Variants in TP53BP2 observed in about 807,000 individuals in gnomAD.
TP53BP2 encodes the protein tumor protein p53 binding protein 2.
A neutral mutation model predicts 126.2 loss-of-function variants in TP53BP2; 62 were observed. The ratio of observed to expected loss-of-function variants is 0.49; its 90% CI spans 0.40 to 0.61. TP53BP2 has a LOEUF of 0.61. TP53BP2 is among the 20% of genes least tolerant of loss of function. TP53BP2 has a pLI of 0.00. For synonymous variants in TP53BP2, 485 were observed against 502.9 expected (o/e 0.96, Z 0.48); for missense variants, 1,215 against 1,402.8 (o/e 0.87, Z 2.14).
intron 1 of TP53BP2, among the ~76,000 whole-genome samples, chr1:223,825,411 C>T (rs191465908): frequency 1.4e-3 from 208 of 152,286 alleles, no homozygotes; most frequent in East Asian, 8.3e-3. Flanking sequence ...TGAATCTGGA[C>T]CACACGGTGC....
chr1:223,824,235 A>C (rs1663413726), intron 1 of TP53BP2, among the ~76,000 whole-genome samples: 1 of 152,228 alleles, frequency 6.6e-6, no homozygotes, highest in South Asian at 2.1e-4. Flanking sequence ...CAGAGATCTG[A>C]TCTTTTACTT....
intron 6 of TP53BP2, 71 bp from the exon 7 acceptor site, chr1:223,803,523 G>A (rs1662607950): frequency 2.0e-5 from 29 of 1,426,380 alleles, no homozygotes; most frequent in Non-Finnish European, 2.6e-5. Flanking sequence ...CAGGCAACCG[G>A]GCTTTACAAT....
At chr1:223,789,274 A>T (rs559220026) in intron 15 of TP53BP2, 100 bp from the exon 16 acceptor site, 1 of 1,394,540 alleles carries the variant, frequency 7.2e-7, no homozygotes, top group African/African-American at 1.4e-5. Flanking sequence ...CTCATCTACC[A>T]AGTTTTCTTC....
chr1:223,822,436 C>T (rs1319619547), intron 1 of TP53BP2, among the ~76,000 whole-genome samples: 4 of 152,006 alleles, frequency 2.6e-5, no homozygotes, highest in East Asian at 1.9e-4. Flanking sequence ...GAGGCCAAGG[C>T]GGGAAGATCA....
chr1:223,799,485 C>T (rs1662455279), intron 11 of TP53BP2, among the ~76,000 whole-genome samples: 1 of 152,162 alleles, frequency 6.6e-6, no homozygotes, highest in Non-Finnish European at 1.5e-5. Flanking sequence ...GAATTTCATG[C>T]AATCTAGACA....
chr1:223,835,870 T>A (rs1290222194), intron 1 of TP53BP2, among the ~76,000 whole-genome samples: 1 of 152,052 alleles, frequency 6.6e-6, no homozygotes, highest in Non-Finnish European at 1.5e-5. Flanking sequence ...AATGAGAACT[T>A]CCTGGTGAAA....
Position 223,789,002 on chromosome 1 carries a change from A to G in TP53BP2, c.3163+6T>C. 1 of 1,613,574 alleles carries G rather than the reference A, an allele frequency of 6.2e-7. No individual in the cohort carries two copies. The highest frequency in any genetic ancestry group is 2.2e-5 in the East Asian group (1 of 44,886). On this transcript the variant is annotated splice_donor_region_variant and intron_variant, in intron 16 of 17. Transcript: ENST00000343537. ...ATCAATACATTTAGTTCTACTTGTC[A>G]CATACCATAAAGAAATTGGGAGCAC...
chr1:223,784,366 C>T (rs753029592), intron 16 of TP53BP2, 52 bp from the exon 17 acceptor site: 38 of 1,550,104 alleles, frequency 2.5e-5, no homozygotes, highest in Non-Finnish European at 3.3e-5. Context: ...TGGAGTATAC[C>T]ACTCTACAAC....
intron 1 of TP53BP2, among the ~76,000 whole-genome samples, chr1:223,826,771 T>C (rs541396769): frequency 6.6e-5 from 10 of 152,094 alleles, no homozygotes; most frequent in Non-Finnish European, 1.5e-4. Flanking sequence ...AAAAAATCAC[T>C]ATATGAACAA....
chr1:223,783,973 A>G (rs905970642), intron 17 of TP53BP2, 142 bp downstream of exon 17: 4 of 746,382 alleles, frequency 5.4e-6, no homozygotes, highest in Non-Finnish European at 6.8e-6. Context: ...TGAGGCTTTA[A>G]GTCTAAGACT....
intron 12 of TP53BP2, among the ~76,000 whole-genome samples, chr1:223,797,636 C>A (rs1197864878): frequency 6.6e-6 from 1 of 152,038 alleles, no homozygotes; most frequent in Non-Finnish European, 1.5e-5. Context: ...GTCTCGAACT[C>A]CCAACCTCAG....
At chr1:223,783,863 T>G (rs1319485173) in intron 17 of TP53BP2, among the ~76,000 whole-genome samples, 1 of 152,218 alleles carries the variant, frequency 6.6e-6, no homozygotes, top group East Asian at 1.9e-4. Context: ...TCCAATCATA[T>G]TATCCAGTTA....
intron 16 of TP53BP2, among the ~76,000 whole-genome samples, chr1:223,788,735 T>C (rs540809341): frequency 1.2e-4 from 19 of 152,258 alleles, no homozygotes; most frequent in South Asian, 8.3e-4. Flanking sequence ...AAAGCCTTAA[T>C]AGAGGGTCTT....
At chr1:223,782,131 A>G (rs1357083932) in intron 17 of TP53BP2, among the ~76,000 whole-genome samples, 3 of 152,210 alleles carry the variant, frequency 2.0e-5, no homozygotes, top group Admixed American at 1.3e-4. Context: ...AATCACTAAT[A>G]GATGTTCTCA....
intron 1 of TP53BP2, among the ~76,000 whole-genome samples, chr1:223,839,891 C>T (rs1008885705): frequency 2.0e-5 from 3 of 152,106 alleles, no homozygotes; most frequent in East Asian, 1.9e-4. Context: ...GCTGAGATGG[C>T]GCCACGCCAC....
At chr1:223,787,205 T>C (rs1327692943) in intron 16 of TP53BP2, among the ~76,000 whole-genome samples, 1 of 152,096 alleles carries the variant, frequency 6.6e-6, no homozygotes, top group South Asian at 2.1e-4. Flanking sequence ...CAACACATTA[T>C]ACCGGTTAAC....
Position 223,780,704 on chromosome 1 carries a change from T to C in TP53BP2, c.*149A>G. On this transcript the variant is annotated 3_prime_UTR_variant, in exon 18 of 18. Coordinates refer to ENST00000343537, the MANE Select transcript of TP53BP2 (RefSeq NM_001031685.3). ...TGTCCTCTAATGGTGAATTCTTCAA[T>C]CCTTCATTCTCTTCTAGAGACATTC... is the stretch of plus-strand genomic sequence containing the variant. 1 of 732,302 alleles carries C rather than the reference T, an allele frequency of 1.4e-6. No homozygotes were observed. Among genetic ancestry groups the C allele is most frequent in the South Asian group, 1.9e-5 (1 of 51,692 alleles). The allele number at this position is 732,302 out of a possible 1,614,324, so 45.4% of individuals were successfully genotyped here.
chr1:223,794,919 A>G (rs1056241697), intron 13 of TP53BP2, among the ~76,000 whole-genome samples: 8 of 152,328 alleles, frequency 5.3e-5, no homozygotes, highest in African/African-American at 1.9e-4. Context: ...TCAAACATGC[A>G]AAGTACATTT....
intron 4 of TP53BP2, among the ~76,000 whole-genome samples, chr1:223,808,341 G>C (rs1662793119): frequency 1.3e-5 from 2 of 152,154 alleles, no homozygotes; most frequent in South Asian, 4.2e-4. Flanking sequence ...AGGAGTTCGA[G>C]ACCAGCCTGA....
Sources: allele counts gnomAD v4.1 joint callset (sites outside exome capture counted in the v4.1 genomes callset), GRCh38; gene constraint gnomAD v4.1.1; transcripts MANE v1.5; gene names NCBI Gene and HGNC (gene_info 2026-07-23, HGNC 2026-07-21).